Variants in ZCCHC24 observed in about 807,000 individuals in gnomAD.
ZCCHC24 encodes the protein zinc finger CCHC domain-containing protein 24.
ZCCHC24 carries 10 observed loss-of-function variants against 26.2 expected under a neutral mutation model. The ratio of observed to expected loss-of-function variants is 0.38; its 90% CI spans 0.24 to 0.65. ZCCHC24 has a LOEUF of 0.65. ZCCHC24 is among the 30% of genes least tolerant of loss of function. The probability of loss-of-function intolerance (pLI) is 0.54; values close to 1 mark genes in which losing one functional copy is unlikely to be tolerated. For synonymous variants in ZCCHC24, 144 were observed against 147.1 expected, an observed-to-expected ratio of 0.98 and a Z score of 0.15; for missense variants, 243 against 329.1, an observed-to-expected ratio of 0.74 and a Z score of 2.03.
intron 1 of ZCCHC24, among the ~76,000 whole-genome samples, chr10:79,434,324 C>T (rs1376292416): frequency 6.6e-6 from 1 of 152,220 alleles, no homozygotes; most frequent in Non-Finnish European, 1.5e-5. Flanking sequence ...CCACATTGAC[C>T]TGCGTTCAGC....
At chr10:79,410,178 C>T (rs1238953733) in intron 2 of ZCCHC24, among the ~76,000 whole-genome samples, 1 of 152,234 alleles carries the variant, frequency 6.6e-6, no homozygotes, top group Non-Finnish European at 1.5e-5. Context: ...TTTGTCTCTA[C>T]TCAAGTTGTC....
intron 2 of ZCCHC24, among the ~76,000 whole-genome samples, chr10:79,419,093 G>A (rs1856905943): frequency 6.6e-6 from 1 of 152,226 alleles, no homozygotes; most frequent in Non-Finnish European, 1.5e-5. Context: ...GCAGGGGTGG[G>A]TCAGGGAGAA....
At chr10:79,424,132 G>A (rs908335131) in intron 2 of ZCCHC24, among the ~76,000 whole-genome samples, 3 of 152,140 alleles carry the variant, frequency 2.0e-5, no homozygotes, top group Non-Finnish European at 2.9e-5. Context: ...AGGCAGCCCA[G>A]TGCACACTAT....
At chr10:79,405,784 G>A (rs1332350492) in intron 2 of ZCCHC24, among the ~76,000 whole-genome samples, 5 of 152,232 alleles carry the variant, frequency 3.3e-5, no homozygotes, top group Admixed American at 3.3e-4. Flanking sequence ...ATAGTGATGG[G>A]GGAAGGGTGT....
chr10:79,418,756 G>C (rs1044327870), intron 2 of ZCCHC24, among the ~76,000 whole-genome samples: 1 of 152,188 alleles, frequency 6.6e-6, no homozygotes, highest in African/African-American at 2.4e-5. Context: ...ATGGGGATGG[G>C]GGAAAGATGA....
chr10:79,433,713 C>T (rs577420700), intron 1 of ZCCHC24, among the ~76,000 whole-genome samples: 7 of 152,252 alleles, frequency 4.6e-5, no homozygotes, highest in Admixed American at 3.9e-4. Context: ...GAATAAGCTG[C>T]GGACCTTGGG....
At chr10:79,410,382 A>G (rs1856773673) in intron 2 of ZCCHC24, among the ~76,000 whole-genome samples, 1 of 152,222 alleles carries the variant, frequency 6.6e-6, no homozygotes, top group Non-Finnish European at 1.5e-5. Flanking sequence ...GTACTCAATA[A>G]ATACACGATG....
chr10:79,431,429 A>G (rs1211814177), intron 2 of ZCCHC24, among the ~76,000 whole-genome samples: 3 of 152,120 alleles, frequency 2.0e-5, no homozygotes, highest in South Asian at 2.1e-4. Flanking sequence ...AGCTCCCACT[A>G]TGTATGCAGA....
intron 2 of ZCCHC24, among the ~76,000 whole-genome samples, chr10:79,404,491 C>A (rs563679887): frequency 1.3e-5 from 2 of 152,136 alleles, no homozygotes; most frequent in African/African-American, 4.8e-5. Context: ...AGGTTTCCTC[C>A]GCCACTGCAG....
chr10:79,442,741 TG>T (rs1352580427), intron 1 of ZCCHC24, among the ~76,000 whole-genome samples: 4 of 151,900 alleles, frequency 2.6e-5, no homozygotes, highest in Non-Finnish European at 2.9e-5. Flanking sequence ...GGCATTGGGG[TG>T]GGGGGTATTT....
At chr10:79,438,421 C>G (rs966968733) in intron 1 of ZCCHC24, among the ~76,000 whole-genome samples, 1 of 152,166 alleles carries the variant, frequency 6.6e-6, no homozygotes, top group African/African-American at 2.4e-5. Context: ...GGAGATAGCC[C>G]GTGGGCAAGG....
intron 2 of ZCCHC24, among the ~76,000 whole-genome samples, chr10:79,410,983 T>C (rs1471903717): frequency 6.6e-6 from 1 of 152,080 alleles, no homozygotes; most frequent in Non-Finnish European, 1.5e-5. Context: ...TCTTGGCCCA[T>C]GGTTGCCCTG....
At chr10:79,437,476 A>G (rs796504068) in intron 1 of ZCCHC24, among the ~76,000 whole-genome samples, 5 of 152,348 alleles carry the variant, frequency 3.3e-5, no homozygotes, top group African/African-American at 1.2e-4. Context: ...TTATAGAGCT[A>G]GAAACTGAGG....
At chr10:79,411,189 C>T (rs967279045) in intron 2 of ZCCHC24, among the ~76,000 whole-genome samples, 2 of 152,172 alleles carry the variant, frequency 1.3e-5, no homozygotes, top group African/African-American at 2.4e-5. Flanking sequence ...TGAGCCTGCT[C>T]AAGGTGCCCT....
chr10:79,430,686 C>CCACACACA (rs71030975), intron 2 of ZCCHC24, among the ~76,000 whole-genome samples: 290 of 140,694 alleles, frequency 2.1e-3, no homozygotes, highest in African/African-American at 7.3e-3. Context: ...CACACACACA[C>CCACACACA]CACACACACA....
rs1856357005 is a variant in ZCCHC24, at chr10:79,383,907, A to C, written c.*2438T>G. ...ACCATTATCTCCCAACTAGATCGCT[A>C]GATCTACCAACTGCAAGCGATTGTC... On this transcript the variant is annotated 3_prime_UTR_variant, in exon 4 of 4. Transcript: ENST00000372336. The C allele has an allele frequency of 1.3e-5, 2 of 152,778 alleles. No individual in the cohort carries two copies. Among genetic ancestry groups the C allele is most frequent in the African/African-American group, 4.8e-5 (2 of 41,460 alleles). 9.5% of individuals were successfully genotyped at this position (152,778 alleles called of 1,614,324 possible). A position where few individuals can be genotyped will look rare whatever the true frequency, so the allele number is the denominator to read the frequency against.
In ZCCHC24 at chr10:79,396,302, C is replaced by T. The variant is rs77916334; in HGVS notation, c.448-1862G>A. On this transcript the variant is annotated intron_variant, in intron 2 of 3. Coordinates refer to ENST00000372336, the MANE Select transcript of ZCCHC24 (RefSeq NM_153367.4). ...TAATGTTTGACTATTATGAATAATG[C>T]TATTATGAACATTCACGTGCAAGCT... Among the ~76,000 whole-genome samples, 6 of 152,276 alleles carry T rather than the reference C, an allele frequency of 3.9e-5. No individual in the cohort carries two copies. In the East Asian group the frequency reaches 1.2e-3, roughly 29 times the overall value.
intron 3 of ZCCHC24, among the ~76,000 whole-genome samples, chr10:79,390,515 G>C (rs1201308680): frequency 6.6e-6 from 1 of 152,322 alleles, no homozygotes; most frequent in African/African-American, 2.4e-5. Context: ...ACCCTCCTGG[G>C]CTCATCTGAG....
At chr10:79,444,294 T>C in intron 1 of ZCCHC24, 3 of 1,408,352 alleles carry the variant, frequency 2.1e-6, no homozygotes, top group Non-Finnish European at 2.8e-6. Flanking sequence ...GAGTGGTATC[T>C]GGGCAGGCCC....
Sources: gnomAD v4.1 joint callset for allele counts (sites outside exome capture counted in the v4.1 genomes callset) on GRCh38, gnomAD v4.1.1 for gene constraint, MANE v1.5 for transcripts, NCBI Gene and HGNC (gene_info 2026-07-23, HGNC 2026-07-21) for gene names.